KLHL29: variants seen among roughly 807,000 people sequenced by gnomAD.
KLHL29 encodes the protein kelch like family member 29, also known as kelch-like protein 29.
KLHL29 carries 21 observed loss-of-function variants against 80.4 expected under a neutral mutation model. That is an observed-to-expected ratio of 0.26 (90% CI 0.19 to 0.38). The LOEUF (loss-of-function observed/expected upper bound fraction) is 0.38, where lower values mean the gene tolerates loss of function less well. Ranked by LOEUF, KLHL29 falls within the 10% of genes least tolerant of loss-of-function variation. The probability of loss-of-function intolerance (pLI) is 1.00; values close to 1 mark genes in which losing one functional copy is unlikely to be tolerated. For synonymous variants in KLHL29, 511 were observed against 526.8 expected (o/e 0.97, Z 0.41); for missense variants, 867 against 1,223.9 (o/e 0.71, Z 4.35).
rs370263147 is a variant in KLHL29 at position 23,515,689 on chromosome 2, A to C, written c.-46+40022A>C. On this transcript the variant is annotated intron_variant, in intron 2 of 13. Transcript: ENST00000486442. The stretch of plus-strand genomic sequence containing the variant: ...TCCTGTGAACGAGGATCTAAATGGA[A>C]CTGGCACGAATGCTCAAATGGCACA... 1.4e-3 allele frequency among the ~76,000 whole-genome samples: 211 copies of C among 152,350 alleles called. 7 individuals carry two copies. In the South Asian group the frequency reaches 0.041, roughly 30 times the overall value.
At chr2:23,668,825 G>T (rs12617532) in intron 5 of KLHL29, 113,680 of 152,182 alleles carry the variant, frequency 0.75, 45,141 homozygotes, top group East Asian at 0.99. Flanking sequence ...TCAAGGCCCC[G>T]CAGGGCCACC....
chr2:23,455,396 A>G (rs374526774), intron 1 of KLHL29, among the ~76,000 whole-genome samples: 1 of 152,200 alleles, frequency 6.6e-6, no homozygotes, highest in Admixed American at 6.5e-5. Flanking sequence ...TTGGTTTATC[A>G]TTACTGTTGT....
intron 1 of KLHL29, among the ~76,000 whole-genome samples, chr2:23,410,651 T>A (rs1666840077): frequency 6.6e-6 from 1 of 151,988 alleles, no homozygotes; most frequent in East Asian, 1.9e-4. Flanking sequence ...TGGTCCGCAG[T>A]CCTCTTCAGA....
intron 1 of KLHL29, among the ~76,000 whole-genome samples, chr2:23,459,983 G>A (rs780844086): frequency 6.6e-6 from 1 of 152,222 alleles, no homozygotes; most frequent in Non-Finnish European, 1.5e-5. Context: ...AGGACAGGTA[G>A]AGGAGAAGCT....
chr2:23,535,057 C>T (rs1377316124), intron 2 of KLHL29, among the ~76,000 whole-genome samples: 1 of 152,208 alleles, frequency 6.6e-6, no homozygotes, highest in African/African-American at 2.4e-5. Context: ...AGACTGTGCA[C>T]TTAAGATTTG....
intron 1 of KLHL29, among the ~76,000 whole-genome samples, chr2:23,439,133 A>G (rs1268146400): frequency 6.7e-6 from 1 of 150,186 alleles, no homozygotes; most frequent in Non-Finnish European, 1.5e-5. Context: ...GGTAGTTTGT[A>G]TTTCTGTGGG....
intron 3 of KLHL29, among the ~76,000 whole-genome samples, chr2:23,638,563 C>T (rs115866025): frequency 0.01 from 1,549 of 152,320 alleles, 13 homozygotes; most frequent in Non-Finnish European, 0.017. Flanking sequence ...CTCCCCACTT[C>T]CCCACACTTC....
chr2:23,684,615 T>G lies in KLHL29; in HGVS notation c.1079+78T>G. 7.5e-7 allele frequency: 1 copy of G among 1,327,548 alleles called. No individual in the cohort carries two copies. The allele number at this position is 1,327,548 out of a possible 1,614,324, so 82.2% of individuals were successfully genotyped here. A position where few individuals can be genotyped will look rare whatever the true frequency, so the allele number is the denominator to read the frequency against. On this transcript the variant is annotated intron_variant, in intron 6 of 13. Coordinates refer to ENST00000486442, the MANE Select transcript of KLHL29 (RefSeq NM_052920.2). The surrounding 1 kb of genome is among the most constrained non-coding windows in gnomAD (Gnocchi z 4.4). ...GTGTCGCTTTTCTCTTCCCCTCTCT[T>G]GCAGGTTCCTGAAGCGTGACTCCCT...
At chr2:23,396,822 A>G (rs2103385865) in intron 1 of KLHL29, among the ~76,000 whole-genome samples, 1 of 152,364 alleles carries the variant, frequency 6.6e-6, no homozygotes, top group East Asian at 1.9e-4. Context: ...AAGCACCTGG[A>G]TGGCTTCATA....
At chr2:23,406,621 C>G (rs1358335429) in intron 1 of KLHL29, among the ~76,000 whole-genome samples, 2 of 152,064 alleles carry the variant, frequency 1.3e-5, no homozygotes, top group East Asian at 3.9e-4. Flanking sequence ...GTGGATAGTT[C>G]TTTTTATATC....
chr2:23,397,890 G>A (rs142599044), intron 1 of KLHL29, among the ~76,000 whole-genome samples: 1 of 152,326 alleles, frequency 6.6e-6, no homozygotes, highest in Admixed American at 6.5e-5. Context: ...TGGGGAAATG[G>A]AAGTCAAAAC....
intron 1 of KLHL29, among the ~76,000 whole-genome samples, chr2:23,398,245 A>G (rs1212511245): frequency 6.6e-6 from 1 of 152,264 alleles, no homozygotes; most frequent in African/African-American, 2.4e-5. Flanking sequence ...TAAACAAAAT[A>G]CACTAGATAC....
chr2:23,676,187 G>GT (rs1553354210), intron 5 of KLHL29, among the ~76,000 whole-genome samples: 167 of 146,708 alleles, frequency 1.1e-3, no homozygotes, highest in African/African-American at 3.8e-3. Flanking sequence ...TGGGTTTTTT[G>GT]TTTTTTTTTT....
Position 23,696,236 on chromosome 2 carries a change from T to G in KLHL29, c.1925-97T>G. ...GGCCATGGCCCAGAAGTGTCTACTT[T>G]GCAGGTGAAGCCTTCCTCTGCCCCT... On this transcript the variant is annotated intron_variant, in intron 10 of 13. Coordinates refer to ENST00000486442, the MANE Select transcript of KLHL29 (RefSeq NM_052920.2). This position sits in a 1 kb window ranked among gnomAD's most constrained non-coding sequence, Gnocchi z 5.5. 1 of 1,485,028 alleles carries G rather than the reference T, an allele frequency of 6.7e-7. No individual in the cohort carries two copies. The highest frequency in any genetic ancestry group is 9.1e-7 in the Non-Finnish European group (1 of 1,095,564). 92.0% of individuals were successfully genotyped at this position (1,485,028 alleles called of 1,614,324 possible).
intron 2 of KLHL29, among the ~76,000 whole-genome samples, chr2:23,547,129 G>A (rs561886537): frequency 1.3e-5 from 2 of 152,324 alleles, no homozygotes; most frequent in South Asian, 2.1e-4. Flanking sequence ...TGCACACGGA[G>A]GCTGTCTCTG....
In KLHL29 at chr2:23,463,770, G is replaced by C. The variant is rs113360886; in HGVS notation, c.-153-11790G>C. Among the ~76,000 whole-genome samples the C allele has an allele frequency of 2.4e-3, 367 of 152,260 alleles. 4 individuals are homozygous for C. Among genetic ancestry groups the C allele is most frequent in the African/African-American group, 4.2e-3 (175 of 41,554 alleles). On this transcript the variant is annotated intron_variant, in intron 1 of 13. Transcript: ENST00000486442. The stretch of plus-strand genomic sequence containing the variant: ...TTTTGTGTAGTTTAATGAGCATAGA[G>C]TCATTTGGAAATATGCACTGCGCTT...
rs1040304642 is a variant in KLHL29, at chr2:23,682,604, C to T, written c.941-1795C>T. Among the ~76,000 whole-genome samples, 3 of 152,214 alleles carry T rather than the reference C, an allele frequency of 2.0e-5. No homozygotes were observed. Among genetic ancestry groups the T allele is most frequent in the African/African-American group, 7.2e-5 (3 of 41,458 alleles). ...ACTGTTGCGATCTGGCCCCGCCCAC[C>T]GCCTCATTGTGTTCCCTGTTGCCCA... On this transcript the variant is annotated intron_variant, in intron 5 of 13. Transcript: ENST00000486442. This position sits in a 1 kb window ranked among gnomAD's most constrained non-coding sequence, Gnocchi z 4.1.
chr2:23,652,748 A>G (rs1055281269), intron 5 of KLHL29, among the ~76,000 whole-genome samples: 1 of 152,254 alleles, frequency 6.6e-6, no homozygotes, highest in Non-Finnish European at 1.5e-5. Flanking sequence ...ACGCAGAGAT[A>G]TATGAATATA....
rs1247552019 is a variant in KLHL29 at position 23,707,000 on chromosome 2, C to G, written c.*336C>G. 1.4e-5 allele frequency: 3 copies of G among 207,684 alleles called. No individual in the cohort carries two copies. Among genetic ancestry groups the G allele is most frequent in the East Asian group, 1.2e-4 (1 of 8,302 alleles). The allele number at this position is 207,684 out of a possible 1,614,324, so 12.9% of individuals were successfully genotyped here. ...TGTTTTTTCCTTCCTGCAGAGCAAG[C>G]TTGATCCCTAAACAACCATAGATCA... On this transcript the variant is annotated 3_prime_UTR_variant, in exon 14 of 14. Transcript: ENST00000486442.
Sources: gnomAD v4.1 joint callset for allele counts (sites outside exome capture counted in the v4.1 genomes callset) on GRCh38, gnomAD v4.1.1 for gene constraint, Gnocchi (gnomAD v3.1) non-coding constraint, MANE v1.5 for transcripts, NCBI Gene and HGNC (gene_info 2026-07-23, HGNC 2026-07-21) for gene names.